MAPKAP1: variants seen among roughly 807,000 people sequenced by gnomAD.
MAPKAP1 encodes target of rapamycin complex 2 subunit MAPKAP1.
Under a neutral mutation model 65.7 loss-of-function variants are expected in MAPKAP1, and 20 were observed. The observed-to-expected ratio is 0.30, with a 90% CI of 0.21 to 0.44. The LOEUF (loss-of-function observed/expected upper bound fraction) is 0.44, where lower values mean the gene tolerates loss of function less well. Ranked by LOEUF, MAPKAP1 falls within the 20% of genes least tolerant of loss-of-function variation. The pLI is 1.00. For missense variants in MAPKAP1, 423 were observed against 648.0 expected (o/e 0.65, Z 3.77); for synonymous variants, 222 against 244.3 (o/e 0.91, Z 0.85).
chr9:125,585,442 G>C, intron 5 of MAPKAP1, 113 bp downstream of exon 5: 1 of 1,134,166 alleles, frequency 8.8e-7, no homozygotes, highest in Non-Finnish European at 1.3e-6. Context: ...AGCTGGATCA[G>C]TGCAGAAGTG....
At chr9:125,619,120 A>AAGAC (rs1564585578) in intron 4 of MAPKAP1, among the ~76,000 whole-genome samples, 1 of 152,174 alleles carries the variant, frequency 6.6e-6, no homozygotes, top group Admixed American at 6.5e-5. Flanking sequence ...GCAACAGAGT[A>AAGAC]AGACCCTATC....
chr9:125,544,379 A>G (rs1351539229), intron 6 of MAPKAP1, among the ~76,000 whole-genome samples: 1 of 152,140 alleles, frequency 6.6e-6, no homozygotes, highest in Non-Finnish European at 1.5e-5. Flanking sequence ...GAAAGTCAAA[A>G]TATTAGCTGA....
chr9:125,641,524 C>T (rs1833577329), intron 4 of MAPKAP1, among the ~76,000 whole-genome samples: 1 of 152,122 alleles, frequency 6.6e-6, no homozygotes, highest in African/African-American at 2.4e-5. Flanking sequence ...TATAACTTCC[C>T]ACATGAACAT....
intron 1 of MAPKAP1, among the ~76,000 whole-genome samples, chr9:125,677,103 G>A (rs1043139825): frequency 6.6e-6 from 1 of 152,184 alleles, no homozygotes; most frequent in African/African-American, 2.4e-5. Context: ...GGCCTTGAAT[G>A]CCTTCCCTGG....
chr9:125,576,572 G>A (rs1382288236), intron 5 of MAPKAP1, among the ~76,000 whole-genome samples: 6 of 152,036 alleles, frequency 3.9e-5, no homozygotes, highest in African/African-American at 1.2e-4. Context: ...ATGCCCAGCC[G>A]AAGCTGGACT....
rs1852774254 is a variant in MAPKAP1, at chr9:125,447,792, T to C, written c.1346-3194A>G. Among the ~76,000 whole-genome samples the C allele has an allele frequency of 6.6e-6, 1 of 151,952 alleles. No individual in the cohort carries two copies. Among genetic ancestry groups the C allele is most frequent in the Non-Finnish European group, 1.5e-5 (1 of 68,014 alleles). ...GTGGAGAAGAGCCACTAGGGACAGT[T>C]TCTTGGGAGGAGCTGACACCTCCGC... On this transcript the variant is annotated intron_variant, in intron 10 of 11. Transcript: ENST00000265960. The surrounding 1 kb of genome is among the most constrained non-coding windows in gnomAD (Gnocchi z 4.5).
chr9:125,544,221 G>A (rs914275669), intron 6 of MAPKAP1, among the ~76,000 whole-genome samples: 4 of 152,028 alleles, frequency 2.6e-5, no homozygotes, highest in Non-Finnish European at 4.4e-5. Flanking sequence ...TCTTGGCCAG[G>A]CTGGTCTTGA....
chr9:125,443,607 C>A (rs1174714398), intron 11 of MAPKAP1, among the ~76,000 whole-genome samples: 1 of 152,080 alleles, frequency 6.6e-6, no homozygotes, highest in Non-Finnish European at 1.5e-5. Flanking sequence ...TCCGCAAGAC[C>A]CCTGGAGGCT....
chr9:125,690,080 G>A (rs1012386508), intron 1 of MAPKAP1, among the ~76,000 whole-genome samples: 1 of 152,148 alleles, frequency 6.6e-6, no homozygotes, highest in South Asian at 2.1e-4. Context: ...AAGAGCAAAA[G>A]TCCATCTCAA....
intron 1 of MAPKAP1, among the ~76,000 whole-genome samples, chr9:125,705,843 G>A (rs1835741406): frequency 6.6e-6 from 1 of 152,108 alleles, no homozygotes; most frequent in Admixed American, 6.6e-5. Flanking sequence ...CAATGGAATA[G>A]GAAAGAACAA....
intron 1 of MAPKAP1, among the ~76,000 whole-genome samples, chr9:125,678,422 T>C (rs755816212): frequency 2.5e-4 from 38 of 152,008 alleles, no homozygotes; most frequent in Non-Finnish European, 4.9e-4. Flanking sequence ...TTTTGTATTT[T>C]TAGTAGAGAC....
intron 5 of MAPKAP1, among the ~76,000 whole-genome samples, chr9:125,584,042 G>A (rs534230243): frequency 2.9e-4 from 43 of 150,754 alleles, no homozygotes; most frequent in African/African-American, 1.0e-3. Flanking sequence ...CAGCCTGGGC[G>A]ACAGAGCAAG....
Position 125,490,279 on chromosome 9 carries a change from C to T in MAPKAP1, c.1067-5696G>A, listed in dbSNP as rs564385636. Among the ~76,000 whole-genome samples the T allele has an allele frequency of 1.3e-4, 20 of 152,318 alleles. No homozygotes were observed. In the South Asian group the frequency reaches 2.3e-3, roughly 17 times the overall value. On this transcript the variant is annotated intron_variant, in intron 8 of 11. Transcript: ENST00000265960. ...GCTTGGCTGGGCGCAGTAGCTCACA[C>T]CTGTAATCCCACCATTTTGGGAGGC...
intron 9 of MAPKAP1, among the ~76,000 whole-genome samples, chr9:125,479,697 A>AC (rs1365399992): frequency 6.6e-6 from 1 of 151,912 alleles, no homozygotes; most frequent in African/African-American, 2.4e-5. Flanking sequence ...GGCCACTACC[A>AC]CCCCATCAGA....
chr9:125,620,757 A>G (rs555624476), intron 4 of MAPKAP1, among the ~76,000 whole-genome samples: 1 of 152,322 alleles, frequency 6.6e-6, no homozygotes, highest in South Asian at 2.1e-4. Context: ...AGCTCGAGAA[A>G]AGTGTTAACA....
chr9:125,484,316 C>T, intron 9 of MAPKAP1, 127 bp downstream of exon 9: 1 of 1,008,486 alleles, frequency 9.9e-7, no homozygotes, highest in Non-Finnish European at 1.4e-6. Context: ...ATTGTTTAAA[C>T]ATTTTCTCAG....
chr9:125,654,060 T>C (rs1471617795), intron 4 of MAPKAP1, among the ~76,000 whole-genome samples: 1 of 152,196 alleles, frequency 6.6e-6, no homozygotes, highest in Admixed American at 6.5e-5. Context: ...ATTTCCTTCT[T>C]AAAACATAAC....
intron 9 of MAPKAP1, chr9:125,471,906 A>G (rs560850554): frequency 6.6e-6 from 1 of 152,266 alleles, no homozygotes; most frequent in Non-Finnish European, 1.5e-5. Flanking sequence ...CAGTATTAAC[A>G]TAACAGCTAA....
At chr9:125,582,240 A>T (rs1402788459) in intron 5 of MAPKAP1, among the ~76,000 whole-genome samples, 1 of 152,142 alleles carries the variant, frequency 6.6e-6, no homozygotes, top group African/African-American at 2.4e-5. Context: ...CTTTTGTTTC[A>T]TAATTTCCTA....
Sources: gnomAD v4.1 joint callset for allele counts (sites outside exome capture counted in the v4.1 genomes callset) on GRCh38, gnomAD v4.1.1 for gene constraint, Gnocchi (gnomAD v3.1) non-coding constraint, MANE v1.5 for transcripts, NCBI Gene and HGNC (gene_info 2026-07-23, HGNC 2026-07-21) for gene names.